Variants in ARHGAP44 observed in about 807,000 individuals in gnomAD.
ARHGAP44 encodes the protein Rho GTPase activating protein 44.
A neutral mutation model predicts 106.8 loss-of-function variants in ARHGAP44; 43 were observed. The observed-to-expected ratio is 0.40, with a 90% CI of 0.32 to 0.52. The LOEUF (loss-of-function observed/expected upper bound fraction) is 0.52. Ranked by LOEUF, ARHGAP44 falls within the 20% of genes least tolerant of loss-of-function variation. ARHGAP44 has a pLI of 0.48. For missense variants in ARHGAP44, 866 were observed against 1,050.5 expected (o/e 0.82, Z 2.43); for synonymous variants, 439 against 410.3 (o/e 1.07, Z -0.85).
rs547350639 is a variant in ARHGAP44 at position 12,973,234 on chromosome 17, C to T, written c.1524-68C>T. On this transcript the variant is annotated intron_variant, in intron 16 of 20. Transcript: ENST00000379672. The stretch of plus-strand genomic sequence containing the variant: ...TGGAGAGAGACCCCTTACAGAAAGA[C>T]AACCTTTATGTCCAAAGGAAGGCCT... The T allele has an allele frequency of 3.4e-5, 52 of 1,528,710 alleles. No homozygotes were observed. In the South Asian group the frequency reaches 5.3e-4, roughly 16 times the overall value. The allele number at this position is 1,528,710 out of a possible 1,614,324, so 94.7% of individuals were successfully genotyped here.
intron 1 of ARHGAP44, among the ~76,000 whole-genome samples, chr17:12,859,607 C>T (rs1405648385): frequency 5.3e-5 from 8 of 152,220 alleles, no homozygotes; most frequent in Non-Finnish European, 2.9e-5. Flanking sequence ...CCTGAGATGT[C>T]TCATTGTTAT....
intron 18 of ARHGAP44, among the ~76,000 whole-genome samples, chr17:12,974,528 G>A (rs1166428695): frequency 1.3e-5 from 2 of 151,906 alleles, no homozygotes; most frequent in African/African-American, 4.8e-5. Flanking sequence ...GCATAACATC[G>A]CAAGCAAGCA....
intron 3 of ARHGAP44, among the ~76,000 whole-genome samples, chr17:12,908,191 C>CTTTT (rs1228178926): frequency 9.4e-4 from 90 of 95,488 alleles, no homozygotes; most frequent in African/African-American, 1.3e-3. Context: ...TGCCTCATTT[C>CTTTT]TTTTTTTTTT....
intron 20 of ARHGAP44, 196 bp downstream of exon 20, chr17:12,985,104 C>T: frequency 1.5e-6 from 1 of 646,328 alleles, no homozygotes. Flanking sequence ...ATGTGTCCCA[C>T]ACAGGGGCTT....
At position 12,974,935 on chromosome 17, in the gene ARHGAP44, C is replaced by T. The variant is rs534803285; in HGVS notation, c.1763+625C>T. ...CGCGATCTCGACTCACTGCAACCTC[C>T]GCCTTACAGGCTCAAGCGATTCTCC... is the stretch of plus-strand genomic sequence containing the variant. On this transcript the variant is annotated intron_variant, in intron 18 of 20. Coordinates refer to ENST00000379672, the MANE Select transcript of ARHGAP44 (RefSeq NM_014859.6). Among the ~76,000 whole-genome samples the T allele has an allele frequency of 3.8e-4, 58 of 151,558 alleles. 1 individual carries two copies. Among genetic ancestry groups the T allele is most frequent in the African/African-American group, 1.3e-3 (52 of 41,304 alleles).
At chr17:12,909,272 T>G (rs1379238935) in intron 4 of ARHGAP44, among the ~76,000 whole-genome samples, 6 of 151,990 alleles carry the variant, frequency 3.9e-5, no homozygotes, top group Non-Finnish European at 8.8e-5. Flanking sequence ...ACTTACGAGA[T>G]TCTCAGAAAA....
intron 13 of ARHGAP44, chr17:12,955,652 G>A (rs73292367): frequency 0.011 from 5,014 of 473,004 alleles, 184 homozygotes; most frequent in African/African-American, 0.088. Flanking sequence ...AGCAGATGTC[G>A]ACACCTGACC....
chr17:12,868,097 C>CA (rs2036287776), intron 1 of ARHGAP44, among the ~76,000 whole-genome samples: 1 of 152,180 alleles, frequency 6.6e-6, no homozygotes, highest in Non-Finnish European at 1.5e-5. Context: ...CGTTGTGCTA[C>CA]AAAGACTCTT....
chr17:12,919,949 C>T (rs914353690), intron 6 of ARHGAP44, 118 bp downstream of exon 6: 16 of 762,874 alleles, frequency 2.1e-5, no homozygotes, highest in Non-Finnish European at 2.8e-5. Flanking sequence ...GGACACCTAA[C>T]GTGTACCAGG....
intron 1 of ARHGAP44, among the ~76,000 whole-genome samples, chr17:12,860,067 G>A (rs2036024393): frequency 6.6e-6 from 1 of 152,188 alleles, no homozygotes; most frequent in South Asian, 2.1e-4. Flanking sequence ...TGGACTCCAA[G>A]TAGTTGGTTG....
At chr17:12,830,145 ATATT>A (rs1196633087) in intron 1 of ARHGAP44, among the ~76,000 whole-genome samples, 1 of 152,176 alleles carries the variant, frequency 6.6e-6, no homozygotes, top group African/African-American at 2.4e-5. Context: ...TTTTTAGTAA[ATATT>A]TATTCAAATG....
Position 12,974,323 on chromosome 17 carries a change from C to G in ARHGAP44, c.1763+13C>G. The G allele has an allele frequency of 7.2e-7, 1 of 1,392,276 alleles. No individual in the cohort carries two copies. Among genetic ancestry groups the G allele is most frequent in the Non-Finnish European group, 9.3e-7 (1 of 1,080,084 alleles). The allele number at this position is 1,392,276 out of a possible 1,614,324, so 86.2% of individuals were successfully genotyped here. A position where few individuals can be genotyped will look rare whatever the true frequency, so the allele number is the denominator to read the frequency against. On this transcript the variant is annotated intron_variant, in intron 18 of 20. Transcript: ENST00000379672. ...CCGAGCGCACCAGGTAAGCGCGGGC[C>G]ACTGCCGTCCGGGCGGGCTGGTGTG... is the stretch of plus-strand genomic sequence containing the variant.
At chr17:12,929,839 A>G (rs2038348973) in intron 7 of ARHGAP44, among the ~76,000 whole-genome samples, 1 of 152,196 alleles carries the variant, frequency 6.6e-6, no homozygotes, top group South Asian at 2.1e-4. Context: ...CCAGTTTTGA[A>G]GGAGAATAAC....
At chr17:12,946,227 C>T (rs1017721215) in intron 10 of ARHGAP44, among the ~76,000 whole-genome samples, 29 of 152,264 alleles carry the variant, frequency 1.9e-4, no homozygotes, top group South Asian at 6.2e-4. Flanking sequence ...ATTCTTGTTA[C>T]GTTTCTGCCT....
At chr17:12,984,339 A>G (rs8068930) in intron 19 of ARHGAP44, 192 bp from the exon 20 acceptor site, 82 of 490,040 alleles carry the variant, frequency 1.7e-4, no homozygotes, top group African/African-American at 1.4e-3. Context: ...GTTCTCGGTT[A>G]ATTTTTAAAA....
chr17:12,951,490 CTT>C (rs2038991080), intron 12 of ARHGAP44, among the ~76,000 whole-genome samples: 1 of 152,080 alleles, frequency 6.6e-6, no homozygotes, highest in African/African-American at 2.4e-5. Flanking sequence ...AACTGTCACT[CTT>C]ATTATTTATT....
chr17:12,990,387 G>A lies in ARHGAP44; in HGVS notation c.*216G>A. 3.4e-6 allele frequency: 2 copies of A among 579,742 alleles called. No individual in the cohort carries two copies. The highest frequency in any genetic ancestry group is 2.4e-5 in the South Asian group (1 of 41,606). The allele number at this position is 579,742 out of a possible 1,614,324, so 35.9% of individuals were successfully genotyped here. ...TTGTTCCTTTCGGGTGGTGACTTCG[G>A]CCTTTTGTTTGACCTTTGCCTTTTG... On this transcript the variant is annotated 3_prime_UTR_variant, in exon 21 of 21. Coordinates refer to ENST00000379672, the MANE Select transcript of ARHGAP44 (RefSeq NM_014859.6).
chr17:12,941,346 A>G (rs1054478286), intron 8 of ARHGAP44, among the ~76,000 whole-genome samples: 8 of 151,754 alleles, frequency 5.3e-5, no homozygotes, highest in African/African-American at 1.9e-4. Context: ...AACTCAGTCC[A>G]CTGATTCTCA....
intron 1 of ARHGAP44, among the ~76,000 whole-genome samples, chr17:12,858,423 A>G (rs1398752873): frequency 3.3e-5 from 5 of 152,210 alleles, no homozygotes; most frequent in Non-Finnish European, 7.3e-5. Flanking sequence ...CAGGTGTGCA[A>G]GGATTCTTTT....
Sources: gnomAD v4.1 joint callset for allele counts (sites outside exome capture counted in the v4.1 genomes callset) on GRCh38, gnomAD v4.1.1 for gene constraint, MANE v1.5 for transcripts, NCBI Gene and HGNC (gene_info 2026-07-23, HGNC 2026-07-21) for gene names.